Variants in MICAL3 observed in about 807,000 individuals in gnomAD.
MICAL3 encodes the protein microtubule associated monooxygenase, calponin and LIM domain containing 3, also known as [F-actin]-monooxygenase MICAL3.
A neutral mutation model predicts 207.4 loss-of-function variants in MICAL3; 62 were observed. The observed-to-expected ratio is 0.30, with a 90% CI of 0.24 to 0.37. MICAL3 has a LOEUF of 0.37. Among genes scored for constraint, MICAL3 ranks in the 10% least tolerant of loss-of-function variants. The pLI is 1.00. For synonymous variants in MICAL3, 1,077 were observed against 1,069.3 expected, an observed-to-expected ratio of 1.01 and a Z score of -0.14; for missense variants, 2,368 against 2,635.6, an observed-to-expected ratio of 0.90 and a Z score of 2.22.
intron 1 of MICAL3, among the ~76,000 whole-genome samples, chr22:17,920,592 G>T (rs1245195578): frequency 1.3e-5 from 2 of 152,150 alleles, no homozygotes; most frequent in Non-Finnish European, 2.9e-5. Context: ...CAGTCTCTCA[G>T]CTGCAATTCT....
At chr22:17,815,419 A>T (rs1259627172) in intron 27 of MICAL3, 2 of 152,284 alleles carry the variant, frequency 1.3e-5, no homozygotes, top group African/African-American at 4.8e-5. Context: ...TTGGGACCAC[A>T]TTCTCCATTC....
intron 16 of MICAL3, among the ~76,000 whole-genome samples, chr22:17,879,583 C>G (rs183917169): frequency 6.6e-6 from 1 of 152,342 alleles, no homozygotes; most frequent in African/African-American, 2.4e-5. Flanking sequence ...ACAAGGCCGA[C>G]TTTCTGCACA....
At chr22:17,916,055 CAAAAAAAAAA>C (rs755146574) in intron 1 of MICAL3, among the ~76,000 whole-genome samples, 6 of 57,834 alleles carry the variant, frequency 1.0e-4, no homozygotes, top group Non-Finnish European at 1.1e-4. Flanking sequence ...GATCCAGTCT[CAAAAAAAAAA>C]AAAAAAAAAA....
chr22:17,836,373 C>T (rs1030298739), intron 20 of MICAL3, among the ~76,000 whole-genome samples: 7 of 152,160 alleles, frequency 4.6e-5, no homozygotes, highest in Admixed American at 2.0e-4. Flanking sequence ...ATGACAAGAC[C>T]GAAGCCTAAG....
At chr22:17,860,285 CAAAG>C (rs1926375466) in intron 19 of MICAL3, 3 of 985,426 alleles carry the variant, frequency 3.0e-6, no homozygotes, top group Non-Finnish European at 2.4e-6. Context: ...TAAAAACTCA[CAAAG>C]AAACACACCA....
At chr22:17,877,206 ATGGAGG>A (rs1928718474) in intron 16 of MICAL3, among the ~76,000 whole-genome samples, 3 of 97,958 alleles carry the variant, frequency 3.1e-5, no homozygotes, top group Non-Finnish European at 6.1e-5. Context: ...TAGGGAGGTT[ATGGAGG>A]TTATGGAGGT....
At chr22:17,937,785 C>T (rs1027195875) in intron 1 of MICAL3, among the ~76,000 whole-genome samples, 6 of 152,212 alleles carry the variant, frequency 3.9e-5, no homozygotes, top group Non-Finnish European at 8.8e-5. Context: ...CTCTCATAAC[C>T]AGTTTACGTG....
chr22:17,818,132 C>T lies in MICAL3; in HGVS notation c.4529G>A (p.Arg1510Gln), dbSNP rs369717291. The T allele has an allele frequency of 2.2e-5, 35 of 1,609,676 alleles. No individual in the cohort carries two copies. The highest frequency in any genetic ancestry group is 3.3e-4 in the Middle Eastern group (2 of 6,082). ...CTCCACGCTCTCCACAAACGACTTC[C>T]GCACCTCCTCTCTGGGGGGCTGAGC... is the stretch of plus-strand genomic sequence containing the variant. ...EPAQPPREEV[R>Q]KSFVESVEEI... Residue 1510 changes from arginine (R) to glutamine (Q), a missense_variant, in exon 26 of 32, where the codon CGG becomes CAG. Arg to Gln is a conservative substitution (Grantham distance 43, BLOSUM62 1). Around this residue, in one of 4 missense-constraint regions of MICAL3, gnomAD observed 1,770 missense variants for 1,863.2 expected, o/e 0.95. Coordinates refer to ENST00000441493, the MANE Select transcript of MICAL3 (RefSeq NM_015241.3).
intron 21 of MICAL3, 72 bp downstream of exon 21, chr22:17,831,780 CCT>C (rs1245268182): frequency 2.7e-6 from 4 of 1,504,722 alleles, no homozygotes. Flanking sequence ...GCCCCAGAAA[CCT>C]CTTACACTCA....
intron 29 of MICAL3, among the ~76,000 whole-genome samples, chr22:17,799,003 G>A (rs936124569): frequency 2.0e-5 from 3 of 152,160 alleles, no homozygotes; most frequent in South Asian, 2.1e-4. Flanking sequence ...AACTCCTGTC[G>A]GAGACACCAA....
Position 17,788,768 on chromosome 22 carries a change from G to A in MICAL3, c.*1964C>T, listed in dbSNP as rs2145941512. On this transcript the variant is annotated 3_prime_UTR_variant, in exon 32 of 32. Coordinates refer to ENST00000441493, the MANE Select transcript of MICAL3 (RefSeq NM_015241.3). ...AGATGGCAGCTTCTGGACAGACAAG[G>A]ATGACACAGGTTCTTTGCTCCTTTG... The A allele has an allele frequency of 6.6e-6, 1 of 152,544 alleles. No homozygotes were observed. Among genetic ancestry groups the A allele is most frequent in the African/African-American group, 2.4e-5 (1 of 41,614 alleles). The allele number at this position is 152,544 out of a possible 1,614,324, so 9.4% of individuals were successfully genotyped here.
chr22:17,815,890 G>A (rs1296157950), intron 27 of MICAL3, among the ~76,000 whole-genome samples: 1 of 152,232 alleles, frequency 6.6e-6, no homozygotes, highest in East Asian at 1.9e-4. Context: ...CGGCAGGAGA[G>A]GGCAGACTCA....
intron 1 of MICAL3, among the ~76,000 whole-genome samples, chr22:17,907,837 C>T (rs1716532265): frequency 6.6e-6 from 1 of 152,196 alleles, no homozygotes; most frequent in South Asian, 2.1e-4. Flanking sequence ...CTGAAGAAGT[C>T]CTGCTATTGC....
chr22:17,960,881 A>G (rs1162921007), intron 1 of MICAL3, among the ~76,000 whole-genome samples: 5 of 152,170 alleles, frequency 3.3e-5, no homozygotes, highest in African/African-American at 9.7e-5. Flanking sequence ...CCAGGCATGG[A>G]AAGAGCACGA....
intron 1 of MICAL3, among the ~76,000 whole-genome samples, chr22:17,971,791 G>C (rs1351362694): frequency 6.6e-6 from 1 of 152,262 alleles, no homozygotes; most frequent in Non-Finnish European, 1.5e-5. Flanking sequence ...TGGCCCTTCA[G>C]GTGGTAATGA....
Position 17,796,204 on chromosome 22 carries a change from C to CG in MICAL3, c.5651-4904dup, listed in dbSNP as rs1188846519. ...AGCACTCTGCTGCGTCTCCAACACT[C>CG]GGGGGCACATCTGCTCCATCTTTCC... On this transcript the variant is annotated intron_variant, in intron 29 of 31. Transcript: ENST00000441493. The surrounding 1 kb of genome is among the most constrained non-coding windows in gnomAD (Gnocchi z 4.4). Among the ~76,000 whole-genome samples the CG allele has an allele frequency of 6.6e-6, 1 of 152,242 alleles. No individual in the cohort carries two copies. The highest frequency in any genetic ancestry group is 6.5e-5 in the Admixed American group (1 of 15,292).
chr22:18,001,998 GACCAGCCGGGCCA>G (rs1923062943), intron 1 of MICAL3, among the ~76,000 whole-genome samples: 1 of 151,974 alleles, frequency 6.6e-6, no homozygotes. Context: ...AAGAGTTCAA[GACCAGCCGGGCCA>G]ACATGATGAA....
At position 17,815,015 on chromosome 22, in the gene MICAL3, G is replaced by A. The variant is rs550067786; in HGVS notation, c.5445+1675C>T. 3.9e-5 allele frequency: 6 copies of A among 152,248 alleles called. No individual in the cohort carries two copies. In the South Asian group the frequency reaches 6.2e-4, roughly 16 times the overall value. 9.4% of individuals were successfully genotyped at this position (152,248 alleles called of 1,614,324 possible). A position where few individuals can be genotyped will look rare whatever the true frequency, so the allele number is the denominator to read the frequency against. On this transcript the variant is annotated intron_variant, in intron 27 of 31. Transcript: ENST00000441493. ...TCGACCGTCTCCTCGATCCTCAGCCGTCCTCTAGGTCGGCCATCCGCTAGC... is the reference window on the plus strand; with the variant it reads ...TCGACCGTCTCCTCGATCCTCAGCCATCCTCTAGGTCGGCCATCCGCTAGC...
At chr22:17,906,161 T>C (rs889980516) in intron 2 of MICAL3, among the ~76,000 whole-genome samples, 12 of 152,250 alleles carry the variant, frequency 7.9e-5, no homozygotes, top group African/African-American at 2.9e-4. Context: ...AAGGTTCCCA[T>C]GCCACTTGAC....
Sources: allele counts gnomAD v4.1 joint callset (sites outside exome capture counted in the v4.1 genomes callset), GRCh38; gene constraint gnomAD v4.1.1; regional missense constraint gnomAD v4.1.1; non-coding constraint Gnocchi (gnomAD v3.1); transcripts MANE v1.5; gene names NCBI Gene and HGNC (gene_info 2026-07-23, HGNC 2026-07-21).